The following KCNMB4 variants were observed in gnomAD, a reference collection of about 807,000 sequenced individuals.
KCNMB4 encodes the protein calcium-activated potassium channel subunit beta-4.
A neutral mutation model predicts 20.7 loss-of-function variants in KCNMB4; 3 were observed. The ratio of observed to expected loss-of-function variants is 0.14; its 90% CI spans 0.07 to 0.37. The LOEUF (loss-of-function observed/expected upper bound fraction) is 0.37, where lower values mean the gene tolerates loss of function less well. Ranked by LOEUF, KCNMB4 falls within the 10% of genes least tolerant of loss-of-function variation. The pLI is 1.00. For synonymous variants in KCNMB4, 110 were observed against 113.4 expected (o/e 0.97, Z 0.19); for missense variants, 168 against 265.9 (o/e 0.63, Z 2.56).
chr12:70,378,585 C>T (rs542476516), intron 1 of KCNMB4, among the ~76,000 whole-genome samples: 3 of 152,108 alleles, frequency 2.0e-5, no homozygotes, highest in South Asian at 4.2e-4. Flanking sequence ...CACCCAGGCT[C>T]GAGTACAATG....
At position 70,391,081 on chromosome 12, in the gene KCNMB4, C is replaced by G. The variant is rs566942856; in HGVS notation, c.337-9128C>G. 6.6e-5 allele frequency among the ~76,000 whole-genome samples: 10 copies of G among 152,254 alleles called. No homozygotes were observed. The South Asian group carries it at 2.1e-3, about 32-fold the overall frequency. The stretch of plus-strand genomic sequence containing the variant: ...ACCCTTCCTCTAAGGAGCTTTGGGC[C>G]TGGGATTGGCTGAGGAGTCCTACCT... On this transcript the variant is annotated intron_variant, in intron 1 of 2. Transcript: ENST00000258111.
Position 70,430,691 on chromosome 12 carries a change from T to C in KCNMB4, c.*38T>C. 1.9e-6 allele frequency: 3 copies of C among 1,539,462 alleles called. No individual in the cohort carries two copies. The highest frequency in any genetic ancestry group is 2.6e-6 in the Non-Finnish European group (3 of 1,148,500). ...CTTGTAGAAAGCAAAGTACAGAAGCTGTACTCATCGGCACGCGTCCACCTG... is the reference window on the plus strand; with the variant it reads ...CTTGTAGAAAGCAAAGTACAGAAGCCGTACTCATCGGCACGCGTCCACCTG... On this transcript the variant is annotated 3_prime_UTR_variant, in exon 3 of 3. Coordinates refer to ENST00000258111, the MANE Select transcript of KCNMB4 (RefSeq NM_014505.6).
chr12:70,426,856 CAG>C (rs1411480980), intron 2 of KCNMB4, among the ~76,000 whole-genome samples: 2 of 152,172 alleles, frequency 1.3e-5, no homozygotes, highest in African/African-American at 2.4e-5. Flanking sequence ...AACCTTGACT[CAG>C]GGTAGTGCCA....
At chr12:70,407,610 G>T (rs1249242794) in intron 2 of KCNMB4, among the ~76,000 whole-genome samples, 5 of 150,906 alleles carry the variant, frequency 3.3e-5, no homozygotes, top group Admixed American at 6.6e-5. Flanking sequence ...TGGGACTACA[G>T]GCGCCCGCCA....
intron 2 of KCNMB4, among the ~76,000 whole-genome samples, chr12:70,427,319 A>T (rs957894799): frequency 9.9e-5 from 15 of 152,242 alleles, no homozygotes; most frequent in Non-Finnish European, 1.6e-4. Context: ...AATGAGCTAG[A>T]CTTTAATTAG....
intron 1 of KCNMB4, among the ~76,000 whole-genome samples, chr12:70,377,499 G>A (rs923003798): frequency 6.6e-6 from 1 of 152,108 alleles, no homozygotes; most frequent in Non-Finnish European, 1.5e-5. Context: ...ATCATTTTGC[G>A]GGTGGAGGAT....
chr12:70,415,048 T>C (rs1208740750), intron 2 of KCNMB4, among the ~76,000 whole-genome samples: 1 of 152,230 alleles, frequency 6.6e-6, no homozygotes, highest in Non-Finnish European at 1.5e-5. Flanking sequence ...CTTTGGCCTT[T>C]CATAATAGCC....
chr12:70,422,565 G>C (rs1869094058), intron 2 of KCNMB4: 1 of 488,174 alleles, frequency 2.0e-6, no homozygotes, highest in Non-Finnish European at 3.4e-6. Context: ...TTCTCTTTCT[G>C]TTGTATTTTC....
chr12:70,387,107 T>G (rs1039707854), intron 1 of KCNMB4, among the ~76,000 whole-genome samples: 1 of 144,740 alleles, frequency 6.9e-6, no homozygotes, highest in Non-Finnish European at 1.5e-5. Context: ...ATTTTTGTTG[T>G]TTTTTTTTTG....
At chr12:70,380,683 T>A (rs1169615308) in intron 1 of KCNMB4, among the ~76,000 whole-genome samples, 3 of 150,748 alleles carry the variant, frequency 2.0e-5, no homozygotes, top group Non-Finnish European at 4.4e-5. Flanking sequence ...TCATGGACGG[T>A]TGATTTTTGA....
chr12:70,374,045 A>G (rs11178204), intron 1 of KCNMB4, among the ~76,000 whole-genome samples: 30,612 of 152,056 alleles, frequency 0.2, 5,617 homozygotes, highest in African/African-American at 0.49. Context: ...GTCTGAGATT[A>G]TCGTAATGTA....
At position 70,433,563 on chromosome 12, in the gene KCNMB4, G is replaced by T. The variant is rs1421691788; in HGVS notation, c.*2910G>T. On this transcript the variant is annotated 3_prime_UTR_variant, in exon 3 of 3. Transcript: ENST00000258111. ...TATACCTAGCTTCAAGAAAGCCTGG[G>T]ACGTGTCTCTAACTAGATGGACATG... 1.3e-5 allele frequency: 2 copies of T among 152,202 alleles called. No individual in the cohort carries two copies. The highest frequency in any genetic ancestry group is 1.3e-4 in the Admixed American group (2 of 15,282). The allele number at this position is 152,202 out of a possible 1,614,324, so 9.4% of individuals were successfully genotyped here.
intron 1 of KCNMB4, among the ~76,000 whole-genome samples, chr12:70,398,877 G>A (rs768061913): frequency 9.2e-5 from 14 of 152,142 alleles, no homozygotes; most frequent in Non-Finnish European, 1.8e-4. Context: ...ATCACGTGGC[G>A]TGAGTCCCAT....
chr12:70,424,173 G>A (rs913787681), intron 2 of KCNMB4, among the ~76,000 whole-genome samples: 1 of 152,000 alleles, frequency 6.6e-6, no homozygotes, highest in Non-Finnish European at 1.5e-5. Flanking sequence ...TCTCCCTCAG[G>A]GCCACAAAAT....
chr12:70,385,205 C>T (rs953491139), intron 1 of KCNMB4, among the ~76,000 whole-genome samples: 1 of 152,162 alleles, frequency 6.6e-6, no homozygotes, highest in Admixed American at 6.5e-5. Flanking sequence ...GGGTATCTGC[C>T]ATGTTACAGG....
intron 2 of KCNMB4, among the ~76,000 whole-genome samples, chr12:70,407,460 C>T (rs868241250): frequency 2.0e-3 from 130 of 64,028 alleles, no homozygotes; most frequent in Middle Eastern, 0.029. Flanking sequence ...GTGCTGAATT[C>T]TTTTTTTTTT....
chr12:70,400,445 C>G lies in KCNMB4; in HGVS notation c.464+109C>G, dbSNP rs981014944. 7.9e-6 allele frequency: 9 copies of G among 1,141,990 alleles called. No homozygotes were observed. The African/African-American group carries it at 1.3e-4, about 16-fold the overall frequency. The allele number at this position is 1,141,990 out of a possible 1,614,324, so 70.7% of individuals were successfully genotyped here. On this transcript the variant is annotated intron_variant, in intron 2 of 2. Transcript: ENST00000258111. Reference sequence around the variant, plus strand: ...CTTGACAGCATGGAGATAGCCTCAACTCTTCTTTGCGTGTAATTAGGGAAA... The same window carrying G: ...CTTGACAGCATGGAGATAGCCTCAAGTCTTCTTTGCGTGTAATTAGGGAAA...
intron 1 of KCNMB4, among the ~76,000 whole-genome samples, chr12:70,397,590 C>T (rs573976162): frequency 6.6e-6 from 1 of 152,266 alleles, no homozygotes; most frequent in South Asian, 2.1e-4. Context: ...CATGAAACTT[C>T]AGCATACCTA....
intron 1 of KCNMB4, among the ~76,000 whole-genome samples, chr12:70,386,332 A>C (rs754348753): frequency 6.6e-6 from 1 of 152,110 alleles, no homozygotes; most frequent in Non-Finnish European, 1.5e-5. Context: ...GATTGATTTC[A>C]TAAAAATTAA....
Sources: allele counts gnomAD v4.1 joint callset (sites outside exome capture counted in the v4.1 genomes callset), GRCh38; gene constraint gnomAD v4.1.1; transcripts MANE v1.5; gene names NCBI Gene and HGNC (gene_info 2026-07-23, HGNC 2026-07-21).